HCRTR2: variants seen among roughly 807,000 people sequenced by gnomAD.
HCRTR2 encodes hypocretin receptor 2, also known as orexin receptor type 2.
In HCRTR2, 22 loss-of-function variants were observed where a neutral mutation model predicts 49.0. That is an observed-to-expected ratio of 0.45 (90% confidence interval 0.32 to 0.64). The LOEUF (loss-of-function observed/expected upper bound fraction) is 0.64, where lower values mean the gene tolerates loss of function less well. Ranked by LOEUF, HCRTR2 falls within the 30% of genes least tolerant of loss-of-function variation. HCRTR2 has a pLI of 0.04. For missense variants in HCRTR2, 491 were observed against 559.4 expected (o/e 0.88, Z 1.23); for synonymous variants, 236 against 205.3 (o/e 1.15, Z -1.28).
intron 1 of HCRTR2, among the ~76,000 whole-genome samples, chr6:55,210,213 A>G (rs1765673241): frequency 6.6e-6 from 1 of 152,156 alleles, no homozygotes; most frequent in Admixed American, 6.5e-5. Context: ...TATTTAAAGT[A>G]TGTATGCATA....
intron 4 of HCRTR2, among the ~76,000 whole-genome samples, chr6:55,264,838 T>C (rs980523444): frequency 1.3e-5 from 2 of 152,148 alleles, no homozygotes; most frequent in Admixed American, 1.3e-4. Flanking sequence ...GTCTGTTTTC[T>C]CTGACACATT....
chr6:55,133,275 T>A (rs1764383740), intron 1 of HCRTR2, among the ~76,000 whole-genome samples: 1 of 151,734 alleles, frequency 6.6e-6, no homozygotes, highest in Non-Finnish European at 1.5e-5. Flanking sequence ...CTTTCTCTCA[T>A]ACATTTTTAT....
rs865812739 is a variant in HCRTR2, at chr6:55,282,225, G to A, written c.1106G>A (p.Gly369Glu). Reference protein sequence around the residue: ...ANPIIYNFLSGKFREEFKAAF... With the variant: ...ANPIIYNFLSEKFREEFKAAF... ...TCCTTTCATTCTCTCTGTTTGCCAG[G>A]AAAATTTCGAGAGGAATTTAAAGCT... The change falls in exon 7 of 7, where the codon GGA (glycine) becomes GAA (glutamate). Residue 369 changes from glycine to glutamate, a missense_variant and splice_region_variant. By Grantham distance (98) the Gly-to-Glu change is moderately conservative. Coordinates refer to ENST00000370862, the MANE Select transcript of HCRTR2 (RefSeq NM_001384272.1). 1 of 1,610,242 alleles carries A rather than the reference G, an allele frequency of 6.2e-7. No individual in the cohort carries two copies. Among genetic ancestry groups the A allele is most frequent in the Non-Finnish European group, 8.5e-7 (1 of 1,176,942 alleles).
At chr6:55,180,539 A>G (rs1765113359) in intron 1 of HCRTR2, among the ~76,000 whole-genome samples, 1 of 151,900 alleles carries the variant, frequency 6.6e-6, no homozygotes, top group South Asian at 2.1e-4. Context: ...TCAAGGTAAA[A>G]TAGGTGCTGC....
chr6:55,250,836 T>C (rs1311557811), intron 2 of HCRTR2, among the ~76,000 whole-genome samples: 1 of 152,146 alleles, frequency 6.6e-6, no homozygotes, highest in East Asian at 1.9e-4. Flanking sequence ...AATCAATTCC[T>C]TAGCTGCTCC....
At chr6:55,281,417 C>G (rs549222379) in intron 6 of HCRTR2, among the ~76,000 whole-genome samples, 1 of 152,112 alleles carries the variant, frequency 6.6e-6, no homozygotes, top group Admixed American at 6.5e-5. Context: ...AGTCACAGAA[C>G]CAGGTCAAAG....
intron 1 of HCRTR2, among the ~76,000 whole-genome samples, chr6:55,108,770 T>G (rs550092406): frequency 6.6e-6 from 1 of 152,112 alleles, no homozygotes; most frequent in African/African-American, 2.4e-5. Context: ...ATCTGGCTTT[T>G]TGTAATTTTG....
intron 4 of HCRTR2, among the ~76,000 whole-genome samples, chr6:55,268,737 A>G (rs2127325434): frequency 6.6e-6 from 1 of 152,304 alleles, no homozygotes; most frequent in South Asian, 2.1e-4. Context: ...AGAATTAAGG[A>G]GACAAGTAGG....
intron 1 of HCRTR2, among the ~76,000 whole-genome samples, chr6:55,196,898 G>A (rs997891541): frequency 1.3e-5 from 2 of 152,072 alleles, no homozygotes; most frequent in African/African-American, 4.8e-5. Flanking sequence ...AGCCTTGACT[G>A]AATGAGGCAA....
intron 1 of HCRTR2, among the ~76,000 whole-genome samples, chr6:55,198,949 C>A (rs1490495118): frequency 2.0e-5 from 3 of 152,174 alleles, no homozygotes; most frequent in Non-Finnish European, 4.4e-5. Context: ...ACAATAGGAT[C>A]AATTACAACA....
upstream of HCRTR2, chr6:55,174,093 A>G (rs1764990297): frequency 9.5e-6 from 2 of 210,758 alleles, no homozygotes; most frequent in South Asian, 1.5e-4. Context: ...ATGGTTTATA[A>G]TAAGTGCACG....
upstream of HCRTR2, chr6:55,174,460 A>T: frequency 1.2e-6 from 1 of 822,518 alleles, no homozygotes; most frequent in Non-Finnish European, 2.1e-6. Flanking sequence ...GTAACTTTTC[A>T]CGTCATTTTC....
chr6:55,269,343 G>A (rs1766926896), intron 4 of HCRTR2, among the ~76,000 whole-genome samples: 1 of 151,816 alleles, frequency 6.6e-6, no homozygotes, highest in South Asian at 2.1e-4. Context: ...TCTTTTCAGG[G>A]CAAACAGGCA....
At chr6:55,248,352 G>C (rs1269838621) in intron 1 of HCRTR2, among the ~76,000 whole-genome samples, 1 of 151,984 alleles carries the variant, frequency 6.6e-6, no homozygotes, top group African/African-American at 2.4e-5. Flanking sequence ...ATAGAAAGAT[G>C]AATCAAAGAC....
At chr6:55,123,026 T>C (rs1223728311) in intron 1 of HCRTR2, among the ~76,000 whole-genome samples, 4 of 150,014 alleles carry the variant, frequency 2.7e-5, no homozygotes, top group African/African-American at 9.8e-5. Flanking sequence ...AAATGAGGAG[T>C]TAATGAGTGC....
rs983053652 is a variant in HCRTR2 at position 55,280,320 on chromosome 6, C to T, written c.984-3C>T. On this transcript the variant is annotated splice_polypyrimidine_tract_variant and splice_region_variant and intron_variant, in intron 5 of 6. Transcript: ENST00000370862. Reference sequence around the variant, plus strand: ...CACTTTTCTGTTGTTTCTTTTCCTGCAGAGTATTTGGGATGTTTGCCCATA... The same window carrying T: ...CACTTTTCTGTTGTTTCTTTTCCTGTAGAGTATTTGGGATGTTTGCCCATA... 3 of 1,575,048 alleles carry T rather than the reference C, an allele frequency of 1.9e-6. No individual in the cohort carries two copies. Among genetic ancestry groups the T allele is most frequent in the Admixed American group, 1.7e-5 (1 of 59,694 alleles).
At chr6:55,248,954 G>A in intron 2 of HCRTR2, 137 bp downstream of exon 2, 1 of 746,088 alleles carries the variant, frequency 1.3e-6, no homozygotes. Context: ...AATAATACTT[G>A]AGAATTTCTG....
intron 1 of HCRTR2, among the ~76,000 whole-genome samples, chr6:55,132,265 C>A (rs1364887472): frequency 6.6e-6 from 1 of 151,838 alleles, no homozygotes; most frequent in African/African-American, 2.4e-5. Context: ...GTCTCCTAAA[C>A]TCTTTCATAA....
intron 1 of HCRTR2, among the ~76,000 whole-genome samples, chr6:55,124,577 T>C (rs1241075783): frequency 6.6e-6 from 1 of 152,194 alleles, no homozygotes; most frequent in African/African-American, 2.4e-5. Flanking sequence ...CTGAGAAGAA[T>C]GTATATTCTG....
Sources: allele counts gnomAD v4.1 joint callset (sites outside exome capture counted in the v4.1 genomes callset), GRCh38; gene constraint gnomAD v4.1.1; transcripts MANE v1.5; gene names NCBI Gene and HGNC (gene_info 2026-07-23, HGNC 2026-07-21).